TRA2A: variants seen among roughly 807,000 people sequenced by gnomAD.
The protein encoded by TRA2A is transformer-2 protein homolog alpha.
In TRA2A, 31 loss-of-function variants were observed where a neutral mutation model predicts 45.7. The observed-to-expected ratio is 0.68, with a 90% CI of 0.51 to 0.92. TRA2A has a LOEUF of 0.92. Among genes scored for constraint, TRA2A ranks in the 40% least tolerant of loss-of-function variants. The pLI, the probability that TRA2A is intolerant of heterozygous loss-of-function variation, is 0.00. For missense variants in TRA2A, 304 were observed against 367.5 expected, an observed-to-expected ratio of 0.83 and a Z score of 1.41; for synonymous variants, 132 against 126.2, an observed-to-expected ratio of 1.05 and a Z score of -0.31.
At chr7:23,521,152 CAG>C (rs1452568707) in intron 2 of TRA2A, among the ~76,000 whole-genome samples, 1 of 152,188 alleles carries the variant, frequency 6.6e-6, no homozygotes, top group Non-Finnish European at 1.5e-5. Flanking sequence ...CTACGCTGGA[CAG>C]AGTCAGAATC....
chr7:23,520,894 T>G (rs553355507), intron 2 of TRA2A, among the ~76,000 whole-genome samples: 2 of 152,106 alleles, frequency 1.3e-5, no homozygotes, highest in African/African-American at 4.8e-5. Flanking sequence ...GGTTTCACCA[T>G]GTTGCCCAGG....
chr7:23,529,973 G>A (rs1251505449), intron 1 of TRA2A, among the ~76,000 whole-genome samples: 1 of 150,084 alleles, frequency 6.7e-6, no homozygotes, highest in African/African-American at 2.5e-5. Flanking sequence ...TCCTTTCCTA[G>A]ACTTGATGAT....
intron 2 of TRA2A, among the ~76,000 whole-genome samples, chr7:23,517,054 G>C (rs376125297): frequency 6.6e-6 from 1 of 151,976 alleles, no homozygotes; most frequent in South Asian, 2.1e-4. Flanking sequence ...GTTGCAAGCC[G>C]AGATTGCGCC....
chr7:23,517,635 T>C (rs1584128429), intron 2 of TRA2A, among the ~76,000 whole-genome samples: 1 of 145,794 alleles, frequency 6.9e-6, no homozygotes, highest in South Asian at 2.2e-4. Flanking sequence ...AAAATCAGGC[T>C]GGGCGCAGTG....
chr7:23,507,633 T>C, intron 4 of TRA2A, 98 bp from the exon 5 acceptor site: 1 of 859,640 alleles, frequency 1.2e-6, no homozygotes, highest in South Asian at 1.5e-5. Flanking sequence ...CCAAATAAAC[T>C]CCTGATTTTG....
chr7:23,531,463 C>A (rs1457770663), intron 1 of TRA2A: 2 of 379,180 alleles, frequency 5.3e-6, no homozygotes. Flanking sequence ...TCCCGCCCAA[C>A]CGCGACGGGG....
At chr7:23,516,295 C>G in intron 3 of TRA2A, 68 bp downstream of exon 3, 2 of 1,544,842 alleles carry the variant, frequency 1.3e-6, no homozygotes, top group South Asian at 1.2e-5. Flanking sequence ...CCCCTAAAAG[C>G]AAGATATGCC....
chr7:23,510,153 C>A (rs1183424781), intron 4 of TRA2A, among the ~76,000 whole-genome samples: 1 of 152,092 alleles, frequency 6.6e-6, no homozygotes, highest in African/African-American at 2.4e-5. Context: ...ATACAACATG[C>A]CTGTGTTAGC....
chr7:23,531,908 G>A lies in TRA2A; in HGVS notation c.-84C>T, dbSNP rs1304449593. The A allele has an allele frequency of 2.0e-6, 3 of 1,490,934 alleles. No homozygotes were observed. The highest frequency in any genetic ancestry group is 2.3e-5 in the South Asian group (2 of 87,906). The allele number at this position is 1,490,934 out of a possible 1,614,324, so 92.4% of individuals were successfully genotyped here. On this transcript the variant is annotated 5_prime_UTR_variant, in exon 1 of 8. In the 5' UTR this introduces an upstream ATG that the reference lacks. Coordinates refer to ENST00000297071, the MANE Select transcript of TRA2A (RefSeq NM_013293.5). ...GCCTAATTAACCCGCTGACTGGACCGTGGGGAAGAGGAAAGAGTCGGCAAC... is the reference window on the plus strand; with the variant it reads ...GCCTAATTAACCCGCTGACTGGACCATGGGGAAGAGGAAAGAGTCGGCAAC...
chr7:23,525,844 C>T (rs955997604), intron 1 of TRA2A, among the ~76,000 whole-genome samples: 1 of 152,192 alleles, frequency 6.6e-6, no homozygotes, highest in South Asian at 2.1e-4. Context: ...GATCCACCCG[C>T]CTCAGCCTCG....
In TRA2A at chr7:23,521,748, G is replaced by A. The variant is rs1188806914; in HGVS notation, c.129C>T (p.Ser43=). Residue 43 remains serine, a synonymous_variant, in exon 2 of 8, where the codon TCC becomes TCT. Coordinates refer to ENST00000297071, the MANE Select transcript of TRA2A (RefSeq NM_013293.5). ...RSGSRSPSRV[S]KHSESHSRSR... ...ATCGAGAATGGGATTCAGAGTGTTT[G>A]GAAACCCTTGATGGACTACGAGATC... 6.2e-7 allele frequency: 1 copy of A among 1,613,956 alleles called. No individual in the cohort carries two copies. The highest frequency in any genetic ancestry group is 1.3e-5 in the African/African-American group (1 of 74,864).
intron 1 of TRA2A, 181 bp downstream of exon 1, chr7:23,531,607 TC>T: frequency 3.1e-6 from 2 of 640,102 alleles, no homozygotes; most frequent in East Asian, 5.5e-5. Context: ...AGGGGTGTTA[TC>T]CGTGGTGTTT....
intron 3 of TRA2A, 31 bp downstream of exon 3, chr7:23,516,331 TA>T: frequency 6.2e-7 from 1 of 1,610,744 alleles, no homozygotes; most frequent in South Asian, 1.1e-5. Flanking sequence ...AAAGAGAAAA[TA>T]AGTCTTCATT....
At chr7:23,520,779 G>A (rs757350565) in intron 2 of TRA2A, among the ~76,000 whole-genome samples, 10 of 147,056 alleles carry the variant, frequency 6.8e-5, no homozygotes, top group Admixed American at 4.2e-4. Flanking sequence ...TGCAACCTCC[G>A]CCTCCTGGGT....
In TRA2A at chr7:23,512,238, A is replaced by G. The variant is rs115778191; in HGVS notation, c.525+656T>C. ...CACAACAGGCCATGTATGATGGCTC[A>G]TGCCTGTAAACCCAGCATTCTGGGA... On this transcript the variant is annotated intron_variant, in intron 4 of 7. Transcript: ENST00000297071. Among the ~76,000 whole-genome samples, 510 of 152,280 alleles carry G rather than the reference A, an allele frequency of 3.3e-3. 1 individual carries two copies. Among genetic ancestry groups the G allele is most frequent in the African/African-American group, 0.012 (479 of 41,566 alleles).
chr7:23,511,371 A>G (rs1011489948), intron 4 of TRA2A, among the ~76,000 whole-genome samples: 2 of 11,146 alleles, frequency 1.8e-4, no homozygotes, highest in African/African-American at 1.1e-3. Context: ...ACTCCATCTC[A>G]AAAAAAAAAA....
chr7:23,519,331 T>C (rs917462592), intron 2 of TRA2A, among the ~76,000 whole-genome samples: 8 of 152,108 alleles, frequency 5.3e-5, no homozygotes, highest in African/African-American at 1.9e-4. Context: ...GAGGCAGACA[T>C]TGCAGTGAGG....
rs146084205 is a variant in TRA2A at position 23,505,051 on chromosome 7, A to G, written c.*508T>C. 2.7e-4 allele frequency: 42 copies of G among 152,734 alleles called. 2 individuals carry two copies. The East Asian group carries it at 7.1e-3, about 26-fold the overall frequency. 9.5% of individuals were successfully genotyped at this position (152,734 alleles called of 1,614,324 possible). A position where few individuals can be genotyped will look rare whatever the true frequency, so the allele number is the denominator to read the frequency against. ...AATACAGCATGTTTTACAGGAGTTC[A>G]CAAGCTTTTCATCTCTAAAAAAAAA... On this transcript the variant is annotated 3_prime_UTR_variant, in exon 8 of 8. Coordinates refer to ENST00000297071, the MANE Select transcript of TRA2A (RefSeq NM_013293.5).
intron 2 of TRA2A, among the ~76,000 whole-genome samples, chr7:23,516,776 A>G (rs1334478041): frequency 6.6e-6 from 1 of 150,966 alleles, no homozygotes; most frequent in African/African-American, 2.5e-5. Context: ...CTTTTAAAAA[A>G]CAAAAAAAAA....
Sources: gnomAD v4.1 joint callset for allele counts (sites outside exome capture counted in the v4.1 genomes callset) on GRCh38, gnomAD v4.1.1 for gene constraint, MANE v1.5 for transcripts, NCBI Gene and HGNC (gene_info 2026-07-23, HGNC 2026-07-21) for gene names.